The following PCDHA13 variants were observed in gnomAD, a reference collection of about 807,000 sequenced individuals.
PCDHA13 encodes the protein protocadherin alpha 13.
PCDHA13 carries 54 observed loss-of-function variants against 64.8 expected under a neutral mutation model. That is an observed-to-expected ratio of 0.83 (90% CI 0.67 to 1.04). The LOEUF (loss-of-function observed/expected upper bound fraction) is 1.04, where lower values mean the gene tolerates loss of function less well. Ranked by LOEUF, PCDHA13 falls within the 50% of genes least tolerant of loss-of-function variation. The pLI is 0.00. For synonymous variants in PCDHA13, 587 were observed against 564.4 expected (o/e 1.04, Z -0.57); for missense variants, 1,248 against 1,254.3 (o/e 0.99, Z 0.08).
chr5:140,895,617 G>A (rs782388218), intron 1 of PCDHA13, among the ~76,000 whole-genome samples: 2 of 152,084 alleles, frequency 1.3e-5, no homozygotes, highest in Non-Finnish European at 2.9e-5. Context: ...CTCATTGAGG[G>A]TGTTGTCTTT....
At chr5:140,990,962 T>C (rs2097423975) in intron 3 of PCDHA13, among the ~76,000 whole-genome samples, 2 of 152,180 alleles carry the variant, frequency 1.3e-5, no homozygotes, top group Non-Finnish European at 2.9e-5. Context: ...AATAGTCTCT[T>C]AGAACAAGAG....
At position 140,882,891 on chromosome 5, in the gene PCDHA13, A is replaced by C; in HGVS notation, c.623A>C (p.His208Pro). Reference sequence around the variant, plus strand: ...CTGGACAGAGAGGAAATTCAGGAACATAGTTTATTACTGACAGCCAGTGAT... The same window carrying C: ...CTGGACAGAGAGGAAATTCAGGAACCTAGTTTATTACTGACAGCCAGTGAT... ...KTLDREEIQE[H>P]SLLLTASDGG... The change falls in exon 1 of 4, where the codon CAT becomes CCT. Residue 208 changes from histidine to proline, a missense_variant. By Grantham distance (77) the His-to-Pro change is moderately conservative. Coordinates refer to ENST00000289272, the MANE Select transcript of PCDHA13 (RefSeq NM_018904.3). 6.2e-7 allele frequency: 1 copy of C among 1,614,230 alleles called. No homozygotes were observed. Among genetic ancestry groups the C allele is most frequent in the East Asian group, 2.2e-5 (1 of 44,882 alleles).
intron 1 of PCDHA13, among the ~76,000 whole-genome samples, chr5:140,900,019 A>T (rs1164566696): frequency 1.3e-5 from 2 of 151,964 alleles, no homozygotes; most frequent in African/African-American, 4.8e-5. Flanking sequence ...TTTGTTACCC[A>T]GTTTGGCCTT....
intron 1 of PCDHA13, among the ~76,000 whole-genome samples, chr5:140,897,453 C>T (rs1437046068): frequency 6.6e-6 from 1 of 151,162 alleles, no homozygotes; most frequent in African/African-American, 2.4e-5. Context: ...GTTTTTTGTC[C>T]TTGCGATAGT....
chr5:140,992,070 GA>G (rs1554252639), intron 3 of PCDHA13, among the ~76,000 whole-genome samples: 1 of 151,052 alleles, frequency 6.6e-6, no homozygotes, highest in Non-Finnish European at 1.5e-5. Context: ...AATTTCAGTA[GA>G]GAATGAGCTA....
intron 1 of PCDHA13, among the ~76,000 whole-genome samples, chr5:140,887,243 C>T (rs950171388): frequency 6.0e-4 from 91 of 152,060 alleles, no homozygotes; most frequent in Non-Finnish European, 1.2e-3. Context: ...ACTACCGGCG[C>T]CCGCCACCAC....
Position 141,011,176 on chromosome 5 carries a change from A to G in PCDHA13, c.*1239A>G, listed in dbSNP as rs1198355681. On this transcript the variant is annotated 3_prime_UTR_variant, in exon 4 of 4. Coordinates refer to ENST00000289272, the MANE Select transcript of PCDHA13 (RefSeq NM_018904.3). The stretch of plus-strand genomic sequence containing the variant: ...ACCAACTATATATCAAGACCCAAAA[A>G]TTGAAGAAAAATATTGTTTTCTCAT... 1 of 153,724 alleles carries G rather than the reference A, an allele frequency of 6.5e-6. No homozygotes were observed. The highest frequency in any genetic ancestry group is 1.5e-5 in the Non-Finnish European group (1 of 68,024). The allele number at this position is 153,724 out of a possible 1,614,324, so 9.5% of individuals were successfully genotyped here.
intron 1 of PCDHA13, among the ~76,000 whole-genome samples, chr5:140,950,049 CTATT>C (rs2094445672): frequency 1.3e-5 from 2 of 151,756 alleles, no homozygotes; most frequent in Non-Finnish European, 3.0e-5. Flanking sequence ...CCATATAAGA[CTATT>C]TAGCTCTTCC....
intron 1 of PCDHA13, chr5:140,969,505 A>G (rs973647679): frequency 1.4e-6 from 2 of 1,428,552 alleles, no homozygotes; most frequent in South Asian, 3.0e-5. Context: ...CTAGAAAAAT[A>G]GCACTAAAGA....
At chr5:141,008,356 A>G (rs1440951671) in intron 3 of PCDHA13, among the ~76,000 whole-genome samples, 1 of 152,204 alleles carries the variant, frequency 6.6e-6, no homozygotes, top group Non-Finnish European at 1.5e-5. Context: ...CGTGTCAACC[A>G]AAGGAGCAGT....
intron 3 of PCDHA13, among the ~76,000 whole-genome samples, chr5:140,994,922 G>A (rs184710391): frequency 4.6e-5 from 7 of 152,342 alleles, no homozygotes; most frequent in African/African-American, 9.6e-5. Context: ...ATCAGATTTT[G>A]TAGGACCTTA....
intron 1 of PCDHA13, among the ~76,000 whole-genome samples, chr5:140,894,069 T>C (rs1209752630): frequency 2.6e-5 from 4 of 152,196 alleles, no homozygotes; most frequent in African/African-American, 9.6e-5. Flanking sequence ...TTTAAATACA[T>C]TTATTTTATT....
chr5:140,971,845 G>A (rs370364575), intron 1 of PCDHA13, among the ~76,000 whole-genome samples: 4 of 152,052 alleles, frequency 2.6e-5, no homozygotes, highest in Admixed American at 6.5e-5. Context: ...CAAGTCATGC[G>A]TTAAATATTT....
At chr5:140,885,798 T>C (rs1269362409) in intron 1 of PCDHA13, among the ~76,000 whole-genome samples, 1 of 152,186 alleles carries the variant, frequency 6.6e-6, no homozygotes, top group East Asian at 1.9e-4. Context: ...TTGTCATATG[T>C]ATTTTGTTGA....
intron 1 of PCDHA13, among the ~76,000 whole-genome samples, chr5:140,931,598 A>G (rs2087630191): frequency 6.6e-6 from 1 of 152,200 alleles, no homozygotes; most frequent in African/African-American, 2.4e-5. Context: ...GTCTTTTTCC[A>G]TCATTGTTGA....
intron 1 of PCDHA13, chr5:140,969,442 T>C (rs1554231813): frequency 1.3e-6 from 2 of 1,543,712 alleles, no homozygotes; most frequent in Admixed American, 4.0e-5. Flanking sequence ...AGTTATCTGG[T>C]AAACTGAGTA....
chr5:140,971,000 T>G (rs1409787417), intron 1 of PCDHA13, among the ~76,000 whole-genome samples: 2 of 152,196 alleles, frequency 1.3e-5, no homozygotes, highest in African/African-American at 4.8e-5. Flanking sequence ...ATCAAAGAGT[T>G]TCCAGAAGTC....
rs186574903 is a variant in PCDHA13, at chr5:140,898,271, A to T, written c.2394+13609A>T. On this transcript the variant is annotated intron_variant, in intron 1 of 3. Transcript: ENST00000289272. The stretch of plus-strand genomic sequence containing the variant: ...AGACATGAAGTCCTTGCCCATGCCT[A>T]AGTTCTGAATGGTAATGCCTAGGTT... 4.6e-3 allele frequency among the ~76,000 whole-genome samples: 703 copies of T among 152,290 alleles called. 3 individuals carry two copies. The highest frequency in any genetic ancestry group is 0.016 in the African/African-American group (680 of 41,550).
chr5:140,904,265 T>C (rs2070995327), intron 1 of PCDHA13, among the ~76,000 whole-genome samples: 1 of 152,118 alleles, frequency 6.6e-6, no homozygotes, highest in Non-Finnish European at 1.5e-5. Context: ...CTCCCACTTA[T>C]GAATGAGAAC....
Sources: gnomAD v4.1 joint callset for allele counts (sites outside exome capture counted in the v4.1 genomes callset) on GRCh38, gnomAD v4.1.1 for gene constraint, MANE v1.5 for transcripts, NCBI Gene and HGNC (gene_info 2026-07-23, HGNC 2026-07-21) for gene names.